The following MAF variants were observed in gnomAD, a reference collection of about 807,000 sequenced individuals.
The protein encoded by MAF is MAF bZIP transcription factor.
A neutral mutation model predicts 22.0 loss-of-function variants in MAF; 10 were observed. The ratio of observed to expected loss-of-function variants is 0.45; its 90% CI spans 0.28 to 0.77. The LOEUF (loss-of-function observed/expected upper bound fraction) is 0.77. MAF is among the 30% of genes least tolerant of loss of function. MAF has a pLI of 0.12. For synonymous variants in MAF, 337 were observed against 255.8 expected, an observed-to-expected ratio of 1.32 and a Z score of -3.03; for missense variants, 544 against 548.4, an observed-to-expected ratio of 0.99 and a Z score of 0.08.
chr16:79,343,883 G>A, the MAF span, among the ~76,000 whole-genome samples: 1 of 152,208 alleles, frequency 6.6e-6, no homozygotes, highest in East Asian at 1.9e-4. Context: ...ACCTCAGGGT[G>A]TGGCTCTGAC....
chr16:79,453,894 A>C, the MAF span, among the ~76,000 whole-genome samples: 2 of 152,232 alleles, frequency 1.3e-5, no homozygotes, highest in African/African-American at 4.8e-5. Context: ...GATTAAACAC[A>C]CTGAATCCAG....
At chr16:79,255,636 C>G in the MAF span, among the ~76,000 whole-genome samples, 1 of 152,154 alleles carries the variant, frequency 6.6e-6, no homozygotes, top group Non-Finnish European at 1.5e-5. Flanking sequence ...AACTCTTGGT[C>G]TGTGGAAAGC....
chr16:79,222,681 G>A, the MAF span, among the ~76,000 whole-genome samples: 1 of 152,080 alleles, frequency 6.6e-6, no homozygotes, highest in African/African-American at 2.4e-5. Context: ...GATACAGGAA[G>A]ATTTACCAAG....
chr16:79,286,745 C>T, the MAF span, among the ~76,000 whole-genome samples: 1 of 152,196 alleles, frequency 6.6e-6, no homozygotes, highest in Non-Finnish European at 1.5e-5. Flanking sequence ...GGCAAATGCC[C>T]ACACGTCCAC....
At chr16:79,276,167 A>T in the MAF span, among the ~76,000 whole-genome samples, 1 of 151,564 alleles carries the variant, frequency 6.6e-6, no homozygotes, top group African/African-American at 2.4e-5. Context: ...GAAAGAAAGA[A>T]AGGAAAGAAA....
chr16:79,599,135 G>A lies in MAF; in HGVS notation c.768C>T (p.His256=), dbSNP rs1555529827. 15 of 1,579,570 alleles carry A rather than the reference G, an allele frequency of 9.5e-6. No homozygotes were observed. The highest frequency in any genetic ancestry group is 1.3e-5 in the African/African-American group (1 of 74,354). Residue 256 remains histidine, a synonymous_variant, in exon 1 of 2, where the codon CAC becomes CAT. Transcript: ENST00000326043. ...LHPHHAAGGL[H]FDDRFSDEQL... ...GCTCGTCGGAGAAGCGGTCGTCGAA[G>A]TGCAGGCCGCCGGCGGCGTGGTGCG... is the stretch of plus-strand genomic sequence containing the variant.
chr16:79,502,724 T>TATAAATATAAATATAA, the MAF span, among the ~76,000 whole-genome samples: 1 of 94,900 alleles, frequency 1.1e-5, no homozygotes, highest in Admixed American at 1.1e-4. Context: ...TATATATATA[T>TATAAATATAAATATAA]ATATATATAT....
the MAF span, among the ~76,000 whole-genome samples, chr16:79,397,924 T>G: frequency 5.9e-5 from 9 of 152,214 alleles, no homozygotes; most frequent in Non-Finnish European, 1.5e-5. Flanking sequence ...ATGTATCATT[T>G]TTCTATTGCT....
the MAF span, among the ~76,000 whole-genome samples, chr16:79,455,040 G>C: frequency 6.6e-6 from 1 of 151,316 alleles, no homozygotes; most frequent in Non-Finnish European, 1.5e-5. Context: ...AGGTTGCTGT[G>C]AGCCGAGATC....
the MAF span, among the ~76,000 whole-genome samples, chr16:79,409,898 C>T: frequency 1.3e-5 from 2 of 152,162 alleles, no homozygotes; most frequent in Admixed American, 6.5e-5. Flanking sequence ...TAGTACGACC[C>T]CTAAACTACA....
the MAF span, among the ~76,000 whole-genome samples, chr16:79,441,102 C>A: frequency 6.6e-6 from 1 of 152,324 alleles, no homozygotes; most frequent in East Asian, 1.9e-4. Flanking sequence ...TCTTCCCCAG[C>A]CATAGATTAC....
the MAF span, among the ~76,000 whole-genome samples, chr16:79,530,564 T>C: frequency 6.6e-6 from 1 of 152,204 alleles, no homozygotes; most frequent in African/African-American, 2.4e-5. Flanking sequence ...TCCAGGCATT[T>C]ACATAAATAG....
the MAF span, among the ~76,000 whole-genome samples, chr16:79,350,185 G>T: frequency 4.1e-4 from 62 of 152,316 alleles, no homozygotes; most frequent in African/African-American, 1.5e-3. Flanking sequence ...ATGAGGATTT[G>T]TTAAAGCATG....
At chr16:79,210,680 A>C in the MAF span, among the ~76,000 whole-genome samples, 1 of 152,166 alleles carries the variant, frequency 6.6e-6, no homozygotes, top group African/African-American at 2.4e-5. Context: ...CGTGCCGACC[A>C]TGTCTCCCTC....
the MAF span, among the ~76,000 whole-genome samples, chr16:79,282,244 A>G: frequency 6.6e-6 from 1 of 152,116 alleles, no homozygotes; most frequent in African/African-American, 2.4e-5. Context: ...TGGAATGGAG[A>G]CTCGGAGTGG....
the MAF span, among the ~76,000 whole-genome samples, chr16:79,286,602 C>G: frequency 6.6e-6 from 1 of 152,326 alleles, no homozygotes; most frequent in South Asian, 2.1e-4. Context: ...CTTTTTTCAG[C>G]ATAGGCAAAG....
At chr16:79,514,661 T>C in the MAF span, among the ~76,000 whole-genome samples, 1 of 152,138 alleles carries the variant, frequency 6.6e-6, no homozygotes, top group African/African-American at 2.4e-5. Flanking sequence ...CTATGGATAG[T>C]CCCTGTCTAC....
chr16:79,288,417 C>T, the MAF span, among the ~76,000 whole-genome samples: 9 of 152,228 alleles, frequency 5.9e-5, no homozygotes, highest in Admixed American at 2.0e-4. Context: ...CAAGCTGCTA[C>T]GTGGGGAGGC....
chr16:79,237,800 C>A, the MAF span, among the ~76,000 whole-genome samples: 1 of 152,226 alleles, frequency 6.6e-6, no homozygotes, highest in South Asian at 2.1e-4. Context: ...CGACACTGCA[C>A]CCTGTTGTGA....
Sources: allele counts gnomAD v4.1 joint callset (sites outside exome capture counted in the v4.1 genomes callset), GRCh38; gene constraint gnomAD v4.1.1; transcripts MANE v1.5; gene names NCBI Gene and HGNC (gene_info 2026-07-23, HGNC 2026-07-21).